Variants in DLG2 observed in about 807,000 individuals in gnomAD.
DLG2 encodes disks large homolog 2.
Under a neutral mutation model 132.5 loss-of-function variants are expected in DLG2, and 45 were observed. The observed-to-expected ratio is 0.34, with a 90% CI of 0.27 to 0.44. DLG2 has a LOEUF of 0.44. Ranked by LOEUF, DLG2 falls within the 20% of genes least tolerant of loss-of-function variation. The probability of loss-of-function intolerance (pLI) is 1.00; values close to 1 mark genes in which losing one functional copy is unlikely to be tolerated. For synonymous variants in DLG2, 424 were observed against 419.6 expected (o/e 1.01, Z -0.13); for missense variants, 1,045 against 1,196.9 (o/e 0.87, Z 1.87).
chr11:85,306,862 A>G (rs889754916), intron 3 of DLG2, among the ~76,000 whole-genome samples: 8 of 152,104 alleles, frequency 5.3e-5, no homozygotes, highest in African/African-American at 1.4e-4. Flanking sequence ...GTGAGCCACC[A>G]CGCCTGGCCA....
intron 11 of DLG2, among the ~76,000 whole-genome samples, chr11:84,015,598 A>G (rs2095135990): frequency 6.6e-6 from 1 of 151,946 alleles, no homozygotes; most frequent in Non-Finnish European, 1.5e-5. Context: ...ATGTGTTCTT[A>G]TCAGTCAGCT....
At chr11:84,593,196 G>A (rs2099548247) in intron 6 of DLG2, among the ~76,000 whole-genome samples, 1 of 151,988 alleles carries the variant, frequency 6.6e-6, no homozygotes, top group African/African-American at 2.4e-5. Context: ...CACTGTTGGT[G>A]GCAGTGTAAA....
At chr11:84,190,477 C>T (rs148097107) in intron 8 of DLG2, among the ~76,000 whole-genome samples, 16 of 152,214 alleles carry the variant, frequency 1.1e-4, no homozygotes, top group African/African-American at 3.9e-4. Context: ...GTGATGATGC[C>T]ATGTGTTGAA....
intron 6 of DLG2, among the ~76,000 whole-genome samples, chr11:84,691,729 G>C (rs2153725827): frequency 6.6e-6 from 1 of 151,290 alleles, no homozygotes; most frequent in South Asian, 2.1e-4. Flanking sequence ...GTTACTTTTA[G>C]ATGTACAGCA....
intron 3 of DLG2, among the ~76,000 whole-genome samples, chr11:85,590,583 C>T: frequency 6.6e-6 from 1 of 151,788 alleles, no homozygotes; most frequent in East Asian, 1.9e-4. Context: ...TATTTCAGGA[C>T]ATCTTGAAAG....
chr11:85,521,299 C>A (rs563409580), intron 3 of DLG2, among the ~76,000 whole-genome samples: 2 of 152,292 alleles, frequency 1.3e-5, no homozygotes. Flanking sequence ...TTTTCCCCCA[C>A]TTTGCTCTGC....
Position 84,969,985 on chromosome 11 carries a change from G to A in DLG2, c.357+141676C>T, listed in dbSNP as rs1025120724. Reference sequence around the variant, plus strand: ...TGAACGATGAGAACGCATGGACAGAGAGAAGGGAACATCACATAACGGGGC... The same window carrying A: ...TGAACGATGAGAACGCATGGACAGAAAGAAGGGAACATCACATAACGGGGC... On this transcript the variant is annotated intron_variant, in intron 6 of 27. Transcript: ENST00000376104. Among the ~76,000 whole-genome samples the A allele has an allele frequency of 2.0e-5, 3 of 152,228 alleles. No individual in the cohort carries two copies. The South Asian group carries it at 6.2e-4, about 32-fold the overall frequency.
At chr11:85,533,007 T>TTTGTTGTTGTTGTTGTTG (rs142405019) in intron 3 of DLG2, among the ~76,000 whole-genome samples, 2 of 151,122 alleles carry the variant, frequency 1.3e-5, no homozygotes, top group African/African-American at 4.9e-5. Flanking sequence ...CTAAGGTGTT[T>TTTGTTGTTGTTGTTGTTG]TTGTTGTTGT....
chr11:83,883,969 T>C (rs968911054), intron 15 of DLG2, among the ~76,000 whole-genome samples: 6 of 149,416 alleles, frequency 4.0e-5, no homozygotes, highest in Non-Finnish European at 7.5e-5. Flanking sequence ...GGAGCCAAGA[T>C]GGCCGAATAG....
intron 3 of DLG2, among the ~76,000 whole-genome samples, chr11:85,547,962 C>T (rs1000350133): frequency 9.9e-5 from 15 of 152,016 alleles, no homozygotes; most frequent in African/African-American, 3.4e-4. Context: ...GTTTTTATTA[C>T]CCACCTTCTG....
At chr11:84,005,842 G>A (rs534287881) in intron 11 of DLG2, among the ~76,000 whole-genome samples, 2 of 151,946 alleles carry the variant, frequency 1.3e-5, no homozygotes, top group South Asian at 4.1e-4. Flanking sequence ...CAAGGACATG[G>A]AGACAAAGGG....
At chr11:83,786,534 T>C (rs1216029617) in intron 18 of DLG2, 156 bp downstream of exon 18, 1 of 605,232 alleles carries the variant, frequency 1.7e-6, no homozygotes, top group Non-Finnish European at 2.9e-6. Flanking sequence ...AAAGCCACGG[T>C]TCACGTTCTT....
chr11:84,650,097 C>G (rs767335739), intron 6 of DLG2, among the ~76,000 whole-genome samples: 1 of 152,188 alleles, frequency 6.6e-6, no homozygotes, highest in African/African-American at 2.4e-5. Context: ...AACTAATGTA[C>G]CCCATGAGCT....
intron 6 of DLG2, among the ~76,000 whole-genome samples, chr11:85,039,139 T>C (rs1420712696): frequency 6.6e-6 from 1 of 151,974 alleles, no homozygotes; most frequent in African/African-American, 2.4e-5. Flanking sequence ...ATTTTTGGAA[T>C]TGCTGCTTTG....
intron 14 of DLG2, among the ~76,000 whole-genome samples, chr11:83,953,590 G>T (rs901418094): frequency 1.1e-4 from 17 of 152,182 alleles, no homozygotes; most frequent in African/African-American, 3.6e-4. Context: ...ATATGAGATG[G>T]CAGGAAATCA....
At chr11:83,711,921 C>G (rs1310952294) in intron 18 of DLG2, among the ~76,000 whole-genome samples, 1 of 152,026 alleles carries the variant, frequency 6.6e-6, no homozygotes. Context: ...AAATGCAAAT[C>G]AAAACCACAA....
rs369066434 is a variant in DLG2 at position 85,242,276 on chromosome 11, C to T, written c.186+42944G>A. Among the ~76,000 whole-genome samples, 325 of 151,788 alleles carry T rather than the reference C, an allele frequency of 2.1e-3. 1 individual carries two copies. The highest frequency in any genetic ancestry group is 7.2e-3 in the African/African-American group (299 of 41,424). On this transcript the variant is annotated intron_variant, in intron 4 of 27. Transcript: ENST00000376104. The stretch of plus-strand genomic sequence containing the variant: ...ATCTGCTATCATTTTGGTTTTTTTT[C>T]CTCTGAATGTGATCTCGTTTTTCCT...
chr11:84,640,948 C>CAAAAAAAA (rs1327728329), intron 6 of DLG2, among the ~76,000 whole-genome samples: 1 of 87,074 alleles, frequency 1.1e-5, no homozygotes, highest in Non-Finnish European at 2.6e-5. Context: ...TCAAAACAAA[C>CAAAAAAAA]AAACAAAAAA....
intron 3 of DLG2, among the ~76,000 whole-genome samples, chr11:85,453,968 C>A (rs190960116): frequency 6.6e-6 from 1 of 151,924 alleles, no homozygotes; most frequent in Admixed American, 6.6e-5. Flanking sequence ...GTCTGTTGTT[C>A]CCCTTTGTGT....
Sources: gnomAD v4.1 joint callset for allele counts (sites outside exome capture counted in the v4.1 genomes callset) on GRCh38, gnomAD v4.1.1 for gene constraint, MANE v1.5 for transcripts, NCBI Gene and HGNC (gene_info 2026-07-23, HGNC 2026-07-21) for gene names.